The following KCNQ5 variants were observed in gnomAD, a reference collection of about 807,000 sequenced individuals.
KCNQ5 encodes the protein potassium voltage-gated channel subfamily KQT member 5.
In KCNQ5, 30 loss-of-function variants were observed where a neutral mutation model predicts 98.2. That is an observed-to-expected ratio of 0.31 (90% CI 0.23 to 0.41). KCNQ5 has a LOEUF of 0.41. Among genes scored for constraint, KCNQ5 ranks in the 10% least tolerant of loss-of-function variants. The pLI is 1.00. For synonymous variants in KCNQ5, 458 were observed against 449.4 expected (o/e 1.02, Z -0.24); for missense variants, 835 against 1,182.5 (o/e 0.71, Z 4.31).
intron 1 of KCNQ5, among the ~76,000 whole-genome samples, chr6:72,879,086 A>G (rs1778533250): frequency 6.6e-6 from 1 of 152,190 alleles, no homozygotes; most frequent in Non-Finnish European, 1.5e-5. Context: ...AAATATCCTT[A>G]TGTATGTCTC....
chr6:72,785,136 C>T (rs549962309), intron 1 of KCNQ5, among the ~76,000 whole-genome samples: 58 of 152,256 alleles, frequency 3.8e-4, no homozygotes, highest in African/African-American at 1.3e-3. Context: ...TATTTCTTCT[C>T]TTATATCGTT....
intron 1 of KCNQ5, among the ~76,000 whole-genome samples, chr6:72,835,620 A>C (rs1452545184): frequency 6.6e-6 from 1 of 152,186 alleles, no homozygotes; most frequent in East Asian, 1.9e-4. Flanking sequence ...CATTGTGCCA[A>C]GTGTCATACA....
At chr6:72,655,389 T>C (rs1461910044) in intron 1 of KCNQ5, among the ~76,000 whole-genome samples, 4 of 151,930 alleles carry the variant, frequency 2.6e-5, no homozygotes, top group Non-Finnish European at 5.9e-5. Flanking sequence ...ATATAAATGA[T>C]ATAAAGGAGA....
chr6:72,838,259 A>G (rs1776602982), intron 1 of KCNQ5, among the ~76,000 whole-genome samples: 1 of 151,972 alleles, frequency 6.6e-6, no homozygotes, highest in African/African-American at 2.4e-5. Context: ...TTGATTGAAT[A>G]CTTCCTTTGC....
intron 1 of KCNQ5, among the ~76,000 whole-genome samples, chr6:72,738,955 T>G (rs998958296): frequency 2.6e-5 from 4 of 152,196 alleles, no homozygotes; most frequent in Non-Finnish European, 5.9e-5. Flanking sequence ...AACTACTCCA[T>G]GTGATACTAT....
chr6:72,629,458 A>C (rs1331828968), intron 1 of KCNQ5, among the ~76,000 whole-genome samples: 1 of 152,234 alleles, frequency 6.6e-6, no homozygotes, highest in African/African-American at 2.4e-5. Flanking sequence ...TTACAATTAG[A>C]AATGTTGAAA....
At chr6:72,972,766 T>G (rs1767966053) in intron 1 of KCNQ5, among the ~76,000 whole-genome samples, 1 of 152,134 alleles carries the variant, frequency 6.6e-6, no homozygotes, top group Non-Finnish European at 1.5e-5. Flanking sequence ...TCCACTAAAT[T>G]AAAAAGAGTA....
intron 1 of KCNQ5, among the ~76,000 whole-genome samples, chr6:72,839,640 CTTTTG>C (rs1776695243): frequency 6.6e-6 from 1 of 152,102 alleles, no homozygotes; most frequent in South Asian, 2.1e-4. Context: ...ATTCAGAGTA[CTTTTG>C]TTTTGTTTTT....
At chr6:72,629,086 A>G (rs1207999607) in intron 1 of KCNQ5, among the ~76,000 whole-genome samples, 1 of 152,190 alleles carries the variant, frequency 6.6e-6, no homozygotes, top group Non-Finnish European at 1.5e-5. Flanking sequence ...AAGATGCTCC[A>G]TGCATACATA....
At chr6:73,129,299 C>G (rs1424159344) in intron 9 of KCNQ5, among the ~76,000 whole-genome samples, 1 of 133,870 alleles carries the variant, frequency 7.5e-6, no homozygotes, top group Non-Finnish European at 1.6e-5. Flanking sequence ...AATCTAGAAT[C>G]TTTTCTTCTG....
intron 1 of KCNQ5, among the ~76,000 whole-genome samples, chr6:72,703,430 T>G (rs765371860): frequency 2.6e-5 from 4 of 152,246 alleles, no homozygotes; most frequent in Non-Finnish European, 5.9e-5. Context: ...GTTTTGTTTT[T>G]GTTTTTGTTT....
intron 2 of KCNQ5, among the ~76,000 whole-genome samples, chr6:73,035,933 T>G (rs1470203063): frequency 6.6e-6 from 1 of 151,300 alleles, no homozygotes; most frequent in East Asian, 1.9e-4. Context: ...ATAATAATAT[T>G]GATACAGCTC....
intron 1 of KCNQ5, among the ~76,000 whole-genome samples, chr6:72,681,949 C>T (rs1436850936): frequency 6.6e-6 from 1 of 152,188 alleles, no homozygotes; most frequent in African/African-American, 2.4e-5. Context: ...TGAGGGGGAA[C>T]TGGAAAAATC....
At chr6:72,730,450 T>C (rs1205107587) in intron 1 of KCNQ5, among the ~76,000 whole-genome samples, 3 of 152,206 alleles carry the variant, frequency 2.0e-5, no homozygotes, top group Non-Finnish European at 2.9e-5. Context: ...GTACTTTTGT[T>C]ATTTTATTTT....
intron 1 of KCNQ5, among the ~76,000 whole-genome samples, chr6:72,873,039 A>G (rs1778276878): frequency 6.6e-6 from 1 of 152,106 alleles, no homozygotes; most frequent in South Asian, 2.1e-4. Flanking sequence ...GCGGCCCACT[A>G]AAGCATTTTA....
intron 1 of KCNQ5, among the ~76,000 whole-genome samples, chr6:72,710,057 G>T (rs1365111471): frequency 6.6e-6 from 1 of 152,168 alleles, no homozygotes; most frequent in Non-Finnish European, 1.5e-5. Context: ...GTGAGGGAAA[G>T]AATGGTAACA....
intron 5 of KCNQ5, among the ~76,000 whole-genome samples, chr6:73,091,325 G>T (rs1774237992): frequency 6.6e-6 from 1 of 152,050 alleles, no homozygotes; most frequent in Admixed American, 6.5e-5. Flanking sequence ...CCTGTCAGGG[G>T]TTAGGGGGCT....
intron 1 of KCNQ5, among the ~76,000 whole-genome samples, chr6:72,705,391 A>G (rs2154474821): frequency 6.6e-6 from 1 of 152,290 alleles, no homozygotes; most frequent in East Asian, 1.9e-4. Context: ...ATACTTTGCC[A>G]AGATATAGAT....
chr6:72,997,498 G>C (rs750335357), intron 1 of KCNQ5, among the ~76,000 whole-genome samples: 2 of 151,700 alleles, frequency 1.3e-5, no homozygotes, highest in South Asian at 4.2e-4. Context: ...TTCACAGGCC[G>C]GGCACAGTAG....
Sources: gnomAD v4.1 joint callset for allele counts (sites outside exome capture counted in the v4.1 genomes callset) on GRCh38, gnomAD v4.1.1 for gene constraint, MANE v1.5 for transcripts, NCBI Gene and HGNC (gene_info 2026-07-23, HGNC 2026-07-21) for gene names.